ERICH1: variants seen among roughly 807,000 people sequenced by gnomAD.
ERICH1 encodes the protein glutamate-rich protein 1.
A neutral mutation model predicts 39.6 loss-of-function variants in ERICH1; 56 were observed. The ratio of observed to expected loss-of-function variants is 1.41; its 90% CI spans 1.14 to 1.77. The LOEUF is 1.77. Among genes scored for constraint, ERICH1 ranks in the 40% most tolerant of loss-of-function variants. The pLI, the probability that ERICH1 is intolerant of heterozygous loss-of-function variation, is 0.00. For synonymous variants in ERICH1, 313 were observed against 223.6 expected (o/e 1.40, Z -3.57); for missense variants, 826 against 575.4 (o/e 1.44, Z -4.45).
rs1183601398 is a variant in ERICH1, at chr8:647,286, C to T, written c.976+21312G>A. ...ACAACTGTTACAACGGTGGCACTGG[C>T]GACAAGACGCGTGAACCTTACCAAG... is the stretch of plus-strand genomic sequence containing the variant. On this transcript the variant is annotated intron_variant, in intron 3 of 3. Coordinates refer to the ERICH1 transcript ENST00000522706. Among the ~76,000 whole-genome samples, 2 of 67,742 alleles carry T rather than the reference C, an allele frequency of 3.0e-5. 1 individual carries two copies. Among genetic ancestry groups the T allele is most frequent in the African/African-American group, 7.7e-5 (2 of 26,030 alleles). 44.4% of individuals were successfully genotyped at this position (67,742 alleles called of 152,430 possible).
intron 4 of ERICH1, among the ~76,000 whole-genome samples, chr8:672,677 G>T (rs1682925145): frequency 6.6e-6 from 1 of 152,174 alleles, no homozygotes; most frequent in African/African-American, 2.4e-5. Flanking sequence ...GTGTCCCTAG[G>T]TCAGCTGTCA....
intron 1 of ERICH1, 102 bp downstream of exon 1, chr8:731,038 G>T: frequency 7.6e-7 from 1 of 1,307,360 alleles, no homozygotes; most frequent in East Asian, 3.1e-5. Flanking sequence ...TTTGGGGTGG[G>T]GCCTGGAAAG....
intron 3 of ERICH1, chr8:637,681 T>G (rs1044335660): frequency 3.3e-5 from 5 of 152,126 alleles, no homozygotes; most frequent in African/African-American, 1.2e-4. Context: ...CCTAGTGGGG[T>G]AGGGCAACAC....
chr8:688,748 A>T (rs1195638610), intron 3 of ERICH1, among the ~76,000 whole-genome samples: 1 of 152,210 alleles, frequency 6.6e-6, no homozygotes, highest in Non-Finnish European at 1.5e-5. Context: ...CTGCTACTGA[A>T]TAAAAACAAT....
At chr8:705,208 C>T (rs542334186) in intron 2 of ERICH1, among the ~76,000 whole-genome samples, 57 of 152,344 alleles carry the variant, frequency 3.7e-4, no homozygotes, top group South Asian at 1.0e-3. Flanking sequence ...TGTCCAAGGA[C>T]GGATGTGGGC....
chr8:718,338 C>T (rs564046559), intron 1 of ERICH1, among the ~76,000 whole-genome samples: 6 of 152,012 alleles, frequency 3.9e-5, no homozygotes, highest in Middle Eastern at 3.4e-3. Flanking sequence ...AGGCAGATTT[C>T]GGAGCTAAAA....
At chr8:713,255 G>C (rs1266872983) in intron 2 of ERICH1, among the ~76,000 whole-genome samples, 1 of 152,240 alleles carries the variant, frequency 6.6e-6, no homozygotes, top group Non-Finnish European at 1.5e-5. Flanking sequence ...GGGGGTTAGG[G>C]CTTCAACATA....
intron 3 of ERICH1, among the ~76,000 whole-genome samples, chr8:654,758 A>T (rs1426738824): frequency 6.6e-6 from 1 of 152,084 alleles, no homozygotes; most frequent in Non-Finnish European, 1.5e-5. Context: ...CTGACACCAC[A>T]GTGTCCCCGT....
chr8:636,612 GT>G (rs1157506599), intron 3 of ERICH1, among the ~76,000 whole-genome samples: 2 of 152,344 alleles, frequency 1.3e-5, no homozygotes, highest in East Asian at 3.9e-4. Flanking sequence ...CCTCAGCACT[GT>G]CCCACCAAAT....
At chr8:715,709 G>A in intron 2 of ERICH1, 152 bp downstream of exon 2, 3 of 1,088,152 alleles carry the variant, frequency 2.8e-6, no homozygotes, top group Non-Finnish European at 3.9e-6. Context: ...CTTGTGTGGA[G>A]AGCGATGCCT....
At chr8:636,627 C>G (rs1444919174) in intron 3 of ERICH1, among the ~76,000 whole-genome samples, 1 of 152,252 alleles carries the variant, frequency 6.6e-6, no homozygotes, top group African/African-American at 2.4e-5. Flanking sequence ...ACCAAATGCA[C>G]AACAGCAGAC....
chr8:688,601 T>G (rs1265491854), intron 3 of ERICH1, among the ~76,000 whole-genome samples: 2 of 152,160 alleles, frequency 1.3e-5, no homozygotes, highest in Non-Finnish European at 2.9e-5. Flanking sequence ...TAAACCCTGA[T>G]TACTCAGTGT....
At chr8:663,179 G>C (rs541238401), downstream of ERICH1, among the ~76,000 whole-genome samples, 130 of 152,374 alleles carry the variant, frequency 8.5e-4, no homozygotes, top group African/African-American at 2.8e-3. Flanking sequence ...ACATGTAGAA[G>C]AGACGTCTCT....
chr8:687,058 C>G (rs1344252739), intron 3 of ERICH1, among the ~76,000 whole-genome samples: 1 of 152,216 alleles, frequency 6.6e-6, no homozygotes, highest in Non-Finnish European at 1.5e-5. Context: ...TCTGTCAAAA[C>G]AGAGCATGTA....
chr8:681,804 GCTCCGGAAC>G (rs1806185877), intron 3 of ERICH1, among the ~76,000 whole-genome samples: 1 of 152,192 alleles, frequency 6.6e-6, no homozygotes, highest in Non-Finnish European at 1.5e-5. Flanking sequence ...CCTTCGTCAG[GCTCCGGAAC>G]CTCCTCTGAG....
chr8:655,887 C>T (rs576037814), intron 3 of ERICH1, among the ~76,000 whole-genome samples: 41 of 152,280 alleles, frequency 2.7e-4, no homozygotes, highest in African/African-American at 9.9e-4. Flanking sequence ...TCCCTCCACA[C>T]ACGCAGGTGC....
intron 2 of ERICH1, among the ~76,000 whole-genome samples, chr8:698,897 G>GA (rs1267517664): frequency 1.0e-5 from 1 of 98,520 alleles, no homozygotes; most frequent in African/African-American, 3.9e-5. Flanking sequence ...TTGTCTCTGT[G>GA]AGTTTTTTTT....
At chr8:641,976 A>T (rs1261701549) in intron 3 of ERICH1, among the ~76,000 whole-genome samples, 1 of 152,212 alleles carries the variant, frequency 6.6e-6, no homozygotes, top group African/African-American at 2.4e-5. Context: ...TAAAGAATAG[A>T]TTCGCAGCTG....
At chr8:690,848 G>A (rs1327043371) in intron 3 of ERICH1, 1 of 152,346 alleles carries the variant, frequency 6.6e-6, no homozygotes, top group African/African-American at 2.4e-5. Flanking sequence ...GCTTCCAAGA[G>A]AGACCACGAC....
Sources: allele counts gnomAD v4.1 joint callset (sites outside exome capture counted in the v4.1 genomes callset), GRCh38; gene constraint gnomAD v4.1.1; transcripts MANE v1.5; gene names NCBI Gene and HGNC (gene_info 2026-07-23, HGNC 2026-07-21).